The following ARPC2 variants were observed in gnomAD, a reference collection of about 807,000 sequenced individuals.
ARPC2 encodes actin related protein 2/3 complex subunit 2, also known as actin-related protein 2/3 complex subunit 2.
ARPC2 carries 4 observed loss-of-function variants against 38.6 expected under a neutral mutation model. That is an observed-to-expected ratio of 0.10 (90% CI 0.05 to 0.24). The LOEUF is 0.24. ARPC2 is among the 10% of genes least tolerant of loss of function. The pLI is 1.00. For synonymous variants in ARPC2, 125 were observed against 140.8 expected, an observed-to-expected ratio of 0.89 and a Z score of 0.79; for missense variants, 229 against 387.3, an observed-to-expected ratio of 0.59 and a Z score of 3.43.
In ARPC2 at chr2:218,254,071, G is replaced by C; in HGVS notation, c.*156G>C. ...CGTTTGGAAAATAATCTGCAGAAAC[G>C]AGCTGTGCTTGCAAAGACTTCATAG... On this transcript the variant is annotated 3_prime_UTR_variant, in exon 11 of 11. Coordinates refer to ENST00000315717, the MANE Select transcript of ARPC2 (RefSeq NM_152862.3). The C allele has an allele frequency of 1.2e-6, 1 of 816,040 alleles. No homozygotes were observed. The highest frequency in any genetic ancestry group is 1.8e-6 in the Non-Finnish European group (1 of 540,576). 50.5% of individuals were successfully genotyped at this position (816,040 alleles called of 1,614,324 possible).
At chr2:218,218,368 C>G (rs1689306777) in intron 2 of ARPC2, among the ~76,000 whole-genome samples, 1 of 152,210 alleles carries the variant, frequency 6.6e-6, no homozygotes, top group African/African-American at 2.4e-5. Context: ...GATAACCTGT[C>G]TTTACGATTG....
chr2:218,240,104 G>A (rs7568092), intron 7 of ARPC2, among the ~76,000 whole-genome samples: 60,068 of 151,572 alleles, frequency 0.4, 12,531 homozygotes, highest in Middle Eastern at 0.52. Flanking sequence ...ACAGGCACGC[G>A]CCACCACGCC....
At chr2:218,240,354 A>G (rs1689884027) in intron 7 of ARPC2, among the ~76,000 whole-genome samples, 2 of 152,178 alleles carry the variant, frequency 1.3e-5, no homozygotes, top group South Asian at 2.1e-4. Flanking sequence ...CATCCTTCCT[A>G]CTGTGGGGTC....
intron 9 of ARPC2, 84 bp downstream of exon 9, chr2:218,249,548 T>G: frequency 2.7e-6 from 3 of 1,093,024 alleles, no homozygotes; most frequent in Non-Finnish European, 4.0e-6. Flanking sequence ...ATTCCATTAG[T>G]CTACGCTGTG....
At chr2:218,247,476 C>T (rs1439453266) in intron 8 of ARPC2, among the ~76,000 whole-genome samples, 2 of 152,116 alleles carry the variant, frequency 1.3e-5, no homozygotes, top group Non-Finnish European at 2.9e-5. Flanking sequence ...AAACTATACA[C>T]TTTTTTCTTT....
At position 218,248,537 on chromosome 2, in the gene ARPC2, T is replaced by C. The variant is rs143102243; in HGVS notation, c.677-827T>C. 9.1e-3 allele frequency among the ~76,000 whole-genome samples: 1,376 copies of C among 151,962 alleles called. 26 individuals carry two copies. Among genetic ancestry groups the C allele is most frequent in the African/African-American group, 0.032 (1,312 of 41,218 alleles). On this transcript the variant is annotated intron_variant, in intron 8 of 10. Transcript: ENST00000315717. ...GTGCAGTGGCACCGTCTTGGCTCAC[T>C]GCAACCTCCACCCCCCGGGTTTAAG...
At chr2:218,253,098 T>G (rs967892723) in intron 10 of ARPC2, 1 of 418,802 alleles carries the variant, frequency 2.4e-6, no homozygotes, top group Non-Finnish European at 4.8e-6. Flanking sequence ...CCGCCCAGAA[T>G]TGAACACTCA....
chr2:218,219,597 G>A (rs912399832), intron 2 of ARPC2, among the ~76,000 whole-genome samples: 1 of 152,120 alleles, frequency 6.6e-6, no homozygotes, highest in African/African-American at 2.4e-5. Flanking sequence ...TGACCCGCCC[G>A]CCTCGGCCTC....
intron 10 of ARPC2, among the ~76,000 whole-genome samples, chr2:218,252,734 A>T (rs1690222228): frequency 6.6e-6 from 1 of 152,184 alleles, no homozygotes; most frequent in South Asian, 2.1e-4. Context: ...ATCCAGGAGG[A>T]AGGCCTGTTA....
intron 6 of ARPC2, 185 bp from the exon 7 acceptor site, chr2:218,239,206 C>T: frequency 1.7e-6 from 1 of 586,838 alleles, no homozygotes; most frequent in South Asian, 2.2e-5. Context: ...CATCTGCTGC[C>T]TCTCTTAGGG....
At chr2:218,222,136 G>A (rs1167268640) in intron 2 of ARPC2, among the ~76,000 whole-genome samples, 9 of 152,128 alleles carry the variant, frequency 5.9e-5, no homozygotes, top group East Asian at 3.9e-4. Flanking sequence ...GTGTGGTGGC[G>A]CACACCTGTA....
At chr2:218,252,225 A>G (rs1452137954) in intron 10 of ARPC2, among the ~76,000 whole-genome samples, 1 of 150,212 alleles carries the variant, frequency 6.7e-6, no homozygotes, top group Non-Finnish European at 1.5e-5. Flanking sequence ...CTCCATCTCA[A>G]AAAAAAAAGC....
chr2:218,217,346 C>A, intron 1 of ARPC2, 92 bp downstream of exon 1: 2 of 789,938 alleles, frequency 2.5e-6, no homozygotes, highest in Non-Finnish European at 2.1e-6. Context: ...CTCTCCCCTT[C>A]TCCCCTAACC....
At chr2:218,235,003 CA>C (rs1419906476) in intron 5 of ARPC2, 1 of 368,898 alleles carries the variant, frequency 2.7e-6, no homozygotes, top group African/African-American at 2.1e-5. Context: ...TGGCATGTCT[CA>C]AATTCTGAGG....
At chr2:218,228,418 G>T (rs138020039) in intron 3 of ARPC2, among the ~76,000 whole-genome samples, 1 of 151,616 alleles carries the variant, frequency 6.6e-6, no homozygotes, top group African/African-American at 2.4e-5. Flanking sequence ...AAAAAAAATC[G>T]TTGAAGCCTC....
At chr2:218,234,118 G>A (rs1417834908) in intron 4 of ARPC2, 7 of 336,998 alleles carry the variant, frequency 2.1e-5, no homozygotes, top group South Asian at 5.5e-5. Context: ...GTGGTGAGCC[G>A]AGATCGCGCC....
chr2:218,218,579 T>A (rs1424462515), intron 2 of ARPC2, among the ~76,000 whole-genome samples: 1 of 152,246 alleles, frequency 6.6e-6, no homozygotes, highest in African/African-American at 2.4e-5. Flanking sequence ...TGTATGAGCA[T>A]GGGGCTTCAC....
Position 218,254,019 on chromosome 2 carries a change from T to G in ARPC2, c.*104T>G. The G allele has an allele frequency of 6.7e-7, 1 of 1,502,914 alleles. No individual in the cohort carries two copies. The highest frequency in any genetic ancestry group is 9.2e-7 in the Non-Finnish European group (1 of 1,091,506). The allele number at this position is 1,502,914 out of a possible 1,614,324, so 93.1% of individuals were successfully genotyped here. On this transcript the variant is annotated 3_prime_UTR_variant, in exon 11 of 11. Coordinates refer to ENST00000315717, the MANE Select transcript of ARPC2 (RefSeq NM_152862.3). Reference sequence around the variant, plus strand: ...TGCGCCTCTTCAGGTTCTTAAGGGATTCTCCGTTTTGGTTCCATTTTGTAC... The same window carrying G: ...TGCGCCTCTTCAGGTTCTTAAGGGAGTCTCCGTTTTGGTTCCATTTTGTAC...
intron 2 of ARPC2, among the ~76,000 whole-genome samples, chr2:218,218,134 A>G (rs1047408189): frequency 2.6e-5 from 4 of 152,142 alleles, no homozygotes; most frequent in African/African-American, 9.7e-5. Flanking sequence ...TGTGAGAGAC[A>G]CTGGGCCATT....
Sources: allele counts gnomAD v4.1 joint callset (sites outside exome capture counted in the v4.1 genomes callset), GRCh38; gene constraint gnomAD v4.1.1; transcripts MANE v1.5; gene names NCBI Gene and HGNC (gene_info 2026-07-23, HGNC 2026-07-21).